Variants in CLNK observed in about 807,000 individuals in gnomAD.
CLNK encodes the protein cytokine dependent hematopoietic cell linker, also known as cytokine-dependent hematopoietic cell linker.
In CLNK, 74 loss-of-function variants were observed where a neutral mutation model predicts 68.6. That is an observed-to-expected ratio of 1.08 (90% CI 0.89 to 1.31). CLNK has a LOEUF of 1.31. Among genes scored for constraint, CLNK ranks in the 50% most tolerant of loss-of-function variants. The pLI, the probability that CLNK is intolerant of heterozygous loss-of-function variation, is 0.00. For synonymous variants in CLNK, 198 were observed against 172.2 expected, an observed-to-expected ratio of 1.15 and a Z score of -1.17; for missense variants, 553 against 515.3, an observed-to-expected ratio of 1.07 and a Z score of -0.71.
rs186889969 is a variant in CLNK at position 10,593,767 on chromosome 4, C to G, written c.83+4211G>C. On this transcript the variant is annotated intron_variant, in intron 3 of 18. Transcript: ENST00000226951. The stretch of plus-strand genomic sequence containing the variant: ...AATTATGGCTGCCTGCACTTTGTCC[C>G]CCTGGATCTAACTATTGCTGCAGGT... Among the ~76,000 whole-genome samples the G allele has an allele frequency of 8.6e-4, 131 of 152,296 alleles. 1 individual carries two copies. The Middle Eastern group carries it at 0.017, about 20-fold the overall frequency.
At chr4:10,718,641 C>T in the CLNK span, among the ~76,000 whole-genome samples, 4 of 151,072 alleles carry the variant, frequency 2.6e-5, no homozygotes, top group East Asian at 1.9e-4. Flanking sequence ...AGAAGCAGAC[C>T]TGTTTTAACA....
chr4:10,710,749 A>G, the CLNK span, among the ~76,000 whole-genome samples: 1 of 152,180 alleles, frequency 6.6e-6, no homozygotes, highest in East Asian at 1.9e-4. Flanking sequence ...AATTAATACT[A>G]CAGACATTAC....
intron 4 of CLNK, among the ~76,000 whole-genome samples, chr4:10,575,002 G>T (rs1374793742): frequency 1.3e-5 from 2 of 152,148 alleles, no homozygotes; most frequent in Non-Finnish European, 2.9e-5. Context: ...CGTGAGTCTT[G>T]CCAAAACTCC....
the CLNK span, among the ~76,000 whole-genome samples, chr4:10,714,166 C>T: frequency 2.6e-5 from 4 of 152,156 alleles, 1 homozygote; most frequent in Non-Finnish European, 5.9e-5. Flanking sequence ...AAACTATAGA[C>T]CTTTCCAGGA....
intron 2 of CLNK, among the ~76,000 whole-genome samples, chr4:10,649,940 A>G (rs1179890825): frequency 6.6e-6 from 1 of 152,220 alleles, no homozygotes; most frequent in Non-Finnish European, 1.5e-5. Context: ...AATGACAGAC[A>G]ACAGGATTAG....
intron 3 of CLNK, among the ~76,000 whole-genome samples, chr4:10,587,768 T>A (rs1721022992): frequency 6.6e-6 from 1 of 152,142 alleles, no homozygotes; most frequent in African/African-American, 2.4e-5. Flanking sequence ...CCACAGAGCC[T>A]CTAAGAGTGA....
Position 10,534,551 on chromosome 4 carries a change from GCTTAGTTTTCCCACCT to G in CLNK, c.603-2284_603-2269del, listed in dbSNP as rs770475036. ...GGATAAGTTAAATTCTCTCTCTGAA[GCTTAGTTTTCCCACCT>G]GTAAAACTGATAAATCTAGACAGTA... On this transcript the variant is annotated intron_variant, in intron 11 of 18. Transcript: ENST00000226951. Among the ~76,000 whole-genome samples, 38 of 152,284 alleles carry G rather than the reference GCTTAGTTTTCCCACCT, an allele frequency of 2.5e-4. No homozygotes were observed. The Middle Eastern group carries it at 0.02, about 82-fold the overall frequency.
chr4:10,521,823 A>AG (rs1439676765), intron 14 of CLNK, among the ~76,000 whole-genome samples: 1 of 152,226 alleles, frequency 6.6e-6, no homozygotes, highest in African/African-American at 2.4e-5. Flanking sequence ...GGGAAAAAAT[A>AG]GGGAATAGCA....
intron 12 of CLNK, among the ~76,000 whole-genome samples, chr4:10,530,725 C>CACCCA (rs1294736229): frequency 2.0e-5 from 3 of 152,254 alleles, no homozygotes; most frequent in Middle Eastern, 3.4e-3. Context: ...TCGTGAGCAG[C>CACCCA]ACCCAACTAC....
intron 2 of CLNK, among the ~76,000 whole-genome samples, chr4:10,610,030 CTCGTTTTTTTT>C (rs1721945415): frequency 2.4e-5 from 3 of 126,498 alleles, no homozygotes; most frequent in African/African-American, 9.2e-5. Context: ...TAAATGAATG[CTCGTTTTTTTT>C]TTTTTTTTTT....
chr4:10,626,359 G>A (rs1013408213), intron 2 of CLNK, among the ~76,000 whole-genome samples: 3 of 151,822 alleles, frequency 2.0e-5, no homozygotes, highest in Non-Finnish European at 2.9e-5. Context: ...TTTTTATTTC[G>A]TTGACCCACA....
rs1721442939 is a variant in CLNK, at chr4:10,597,862, A to G, written c.83+116T>C. ...GCACCTTGGTCTCTGTCTGACCTCT[A>G]AGTCACTACAGGTCATTCCATCACA... is the stretch of plus-strand genomic sequence containing the variant. On this transcript the variant is annotated intron_variant, in intron 3 of 18. Coordinates refer to ENST00000226951, the MANE Select transcript of CLNK (RefSeq NM_052964.4). 5.6e-6 allele frequency: 4 copies of G among 716,764 alleles called. No homozygotes were observed. The South Asian group carries it at 7.3e-5, about 13-fold the overall frequency. 44.4% of individuals were successfully genotyped at this position (716,764 alleles called of 1,614,324 possible).
At chr4:10,699,276 C>CCATGTATGTGTGTAT in the CLNK span, among the ~76,000 whole-genome samples, 2 of 119,200 alleles carry the variant, frequency 1.7e-5, no homozygotes, top group African/African-American at 3.1e-5. Flanking sequence ...CACACACACA[C>CCATGTATGTGTGTAT]ACCACATACG....
chr4:10,698,998 C>T, the CLNK span, among the ~76,000 whole-genome samples: 1 of 152,028 alleles, frequency 6.6e-6, no homozygotes, highest in Admixed American at 6.5e-5. Context: ...TTGACTCTTT[C>T]TTGGTCTCAA....
At chr4:10,656,986 C>T (rs1380911564) in intron 2 of CLNK, among the ~76,000 whole-genome samples, 2 of 152,178 alleles carry the variant, frequency 1.3e-5, no homozygotes, top group East Asian at 1.9e-4. Context: ...ACATAGCTCA[C>T]ATTATGTTCT....
intron 1 of CLNK, among the ~76,000 whole-genome samples, chr4:10,680,281 A>G (rs1350352265): frequency 6.8e-6 from 1 of 147,282 alleles, no homozygotes; most frequent in Non-Finnish European, 1.5e-5. Context: ...TAAACCAAAC[A>G]CCGCATGTTC....
At chr4:10,603,098 C>G (rs911945166) in intron 2 of CLNK, among the ~76,000 whole-genome samples, 2 of 152,170 alleles carry the variant, frequency 1.3e-5, no homozygotes, top group Admixed American at 6.5e-5. Context: ...GAAAGAATTG[C>G]CATTTCTTCT....
intron 15 of CLNK, among the ~76,000 whole-genome samples, chr4:10,517,216 T>C (rs1261736876): frequency 2.0e-5 from 3 of 151,934 alleles, no homozygotes; most frequent in African/African-American, 7.3e-5. Flanking sequence ...AGACTGATAC[T>C]GGAATGTACA....
intron 7 of CLNK, among the ~76,000 whole-genome samples, chr4:10,562,684 G>A (rs1194555890): frequency 6.6e-6 from 1 of 152,164 alleles, no homozygotes; most frequent in Non-Finnish European, 1.5e-5. Flanking sequence ...GATTACAGAC[G>A]TGAGCCCCCA....
Sources: allele counts gnomAD v4.1 joint callset (sites outside exome capture counted in the v4.1 genomes callset), GRCh38; gene constraint gnomAD v4.1.1; transcripts MANE v1.5; gene names NCBI Gene and HGNC (gene_info 2026-07-23, HGNC 2026-07-21).